SORBS2: variants seen among roughly 807,000 people sequenced by gnomAD.
The protein encoded by SORBS2 is sorbin and SH3 domain containing 2, also known as sorbin and SH3 domain-containing protein 2.
SORBS2 carries 46 observed loss-of-function variants against 97.7 expected under a neutral mutation model. The observed-to-expected ratio is 0.47, with a 90% confidence interval of 0.37 to 0.60. The LOEUF (loss-of-function observed/expected upper bound fraction) is 0.60. Among genes scored for constraint, SORBS2 ranks in the 20% least tolerant of loss-of-function variants. SORBS2 has a pLI of 0.00. For missense variants in SORBS2, 1,316 were observed against 1,282.3 expected, an observed-to-expected ratio of 1.03 and a Z score of -0.40; for synonymous variants, 476 against 473.4, an observed-to-expected ratio of 1.01 and a Z score of -0.07.
chr4:185,943,855 T>C (rs2099273269), intron 1 of SORBS2, among the ~76,000 whole-genome samples: 1 of 152,240 alleles, frequency 6.6e-6, no homozygotes, highest in Non-Finnish European at 1.5e-5. Context: ...TACGTCATGA[T>C]GCCTACAATT....
At chr4:185,792,170 T>C (rs1184446827) in intron 1 of SORBS2, among the ~76,000 whole-genome samples, 1 of 152,216 alleles carries the variant, frequency 6.6e-6, no homozygotes, top group Admixed American at 6.5e-5. Context: ...ATACATCTCC[T>C]TATTTTGAAA....
intron 2 of SORBS2, among the ~76,000 whole-genome samples, chr4:185,695,344 G>T (rs1027963153): frequency 5.3e-5 from 8 of 152,068 alleles, no homozygotes; most frequent in Admixed American, 3.9e-4. Context: ...CTGAATTTTA[G>T]CTCAGTTAAT....
intron 1 of SORBS2, among the ~76,000 whole-genome samples, chr4:185,879,609 T>C (rs538334331): frequency 6.6e-6 from 1 of 152,216 alleles, no homozygotes. Flanking sequence ...ACTTCCACAA[T>C]GGTTGAACCA....
At position 185,606,767 on chromosome 4, in the gene SORBS2, G is replaced by T; in HGVS notation, c.2796+5013C>A. 1.0e-6 allele frequency: 1 copy of T among 985,304 alleles called. No homozygotes were observed. Among genetic ancestry groups the T allele is most frequent in the Non-Finnish European group, 1.2e-6 (1 of 829,918 alleles). 61.0% of individuals were successfully genotyped at this position (985,304 alleles called of 1,614,324 possible). A position where few individuals can be genotyped will look rare whatever the true frequency, so the allele number is the denominator to read the frequency against. On this transcript the variant is annotated intron_variant, in intron 12 of 14. Coordinates refer to ENST00000418609, the Ensembl canonical transcript of SORBS2. This position sits in a 1 kb window ranked among gnomAD's most constrained non-coding sequence, Gnocchi z 4.3. ...CAGGCGTCTCCTTCCTGAGGTTCTG[G>T]CGGCCCTCTCTGGATGCCTGACACA...
At chr4:185,742,137 G>T (rs1269013496) in intron 2 of SORBS2, among the ~76,000 whole-genome samples, 1 of 152,218 alleles carries the variant, frequency 6.6e-6, no homozygotes, top group Non-Finnish European at 1.5e-5. Flanking sequence ...GCTCTCAGGG[G>T]CCAGCCCTGG....
At chr4:185,778,355 C>T (rs1488574916) in intron 1 of SORBS2, among the ~76,000 whole-genome samples, 4 of 152,156 alleles carry the variant, frequency 2.6e-5, no homozygotes, top group Non-Finnish European at 4.4e-5. Context: ...TGATTCTTGA[C>T]CTCACTTTGA....
At chr4:185,654,472 G>A (rs2097363802) in intron 1 of SORBS2, among the ~76,000 whole-genome samples, 1 of 152,168 alleles carries the variant, frequency 6.6e-6, no homozygotes, top group Non-Finnish European at 1.5e-5. Flanking sequence ...CATGTTGACA[G>A]ACAGGTTTTT....
chr4:185,953,547 C>T (rs2099278215), intron 1 of SORBS2, among the ~76,000 whole-genome samples: 1 of 152,266 alleles, frequency 6.6e-6, no homozygotes, highest in South Asian at 2.1e-4. Context: ...TTTGCATAGG[C>T]TTCAGAGCAT....
In SORBS2 at chr4:185,607,411, C is replaced by A; in HGVS notation, c.2796+4369G>T. 1 of 879,224 alleles carries A rather than the reference C, an allele frequency of 1.1e-6. No homozygotes were observed. The highest frequency in any genetic ancestry group is 1.6e-6 in the Non-Finnish European group (1 of 618,834). 54.5% of individuals were successfully genotyped at this position (879,224 alleles called of 1,614,324 possible). A position where few individuals can be genotyped will look rare whatever the true frequency, so the allele number is the denominator to read the frequency against. On this transcript the variant is annotated intron_variant, in intron 12 of 14. Coordinates refer to ENST00000418609, the Ensembl canonical transcript of SORBS2. The surrounding 1 kb of genome is among the most constrained non-coding windows in gnomAD (Gnocchi z 5.2). Reference sequence around the variant, plus strand: ...ATAAACTAAGAAAATAATAATAATGCATCAAAACATAGCGATGGAGAAATG... The same window carrying A: ...ATAAACTAAGAAAATAATAATAATGAATCAAAACATAGCGATGGAGAAATG...
chr4:185,716,690 A>T (rs1342828815), intron 2 of SORBS2, among the ~76,000 whole-genome samples: 1 of 152,076 alleles, frequency 6.6e-6, no homozygotes, highest in East Asian at 1.9e-4. Flanking sequence ...GGTGGAGTAA[A>T]ATCTGTGTTC....
At chr4:185,866,499 C>G (rs946518866) in intron 1 of SORBS2, among the ~76,000 whole-genome samples, 1 of 152,222 alleles carries the variant, frequency 6.6e-6, no homozygotes, top group Admixed American at 6.5e-5. Context: ...GAGCCCCATT[C>G]AAGAGCGTCA....
chr4:185,837,794 A>T (rs985387743), intron 1 of SORBS2, among the ~76,000 whole-genome samples: 1 of 151,978 alleles, frequency 6.6e-6, no homozygotes, highest in African/African-American at 2.4e-5. Flanking sequence ...AATGATTTAA[A>T]TTACTCTAAG....
intron 1 of SORBS2, among the ~76,000 whole-genome samples, chr4:185,856,664 T>A (rs1353442674): frequency 6.6e-6 from 1 of 152,206 alleles, no homozygotes; most frequent in African/African-American, 2.4e-5. Context: ...CAAATTCATA[T>A]GTTGATGGCA....
At chr4:185,736,324 G>A (rs188392972) in intron 2 of SORBS2, among the ~76,000 whole-genome samples, 1 of 152,310 alleles carries the variant, frequency 6.6e-6, no homozygotes, top group East Asian at 1.9e-4. Flanking sequence ...CTAAGGCAAT[G>A]GTGGGATTAA....
intron 1 of SORBS2, among the ~76,000 whole-genome samples, chr4:185,887,443 A>G (rs1186472492): frequency 6.6e-6 from 1 of 152,238 alleles, no homozygotes; most frequent in Non-Finnish European, 1.5e-5. Context: ...GCTTCAGGAA[A>G]AGGAAAAATC....
Position 185,623,626 on chromosome 4 carries a change from G to C in SORBS2, c.1503C>G (p.Asp501Glu). The change falls in exon 7 of 15, where the codon GAC (aspartate) becomes GAG (glutamate). Residue 501 changes from aspartate (D) to glutamate (E), a missense_variant. Physicochemically the swap from Asp to Glu is conservative, Grantham distance 45. Coordinates refer to ENST00000418609, the Ensembl canonical transcript of SORBS2. This position sits in a 1 kb window ranked among gnomAD's most constrained non-coding sequence, Gnocchi z 6.4. ...CGGACACAACCCCGTCCTGGTCGCT[G>C]TCGGAAAACTCCACGTGTGCTCGGG... is the stretch of plus-strand genomic sequence containing the variant. 1 of 1,614,146 alleles carries C rather than the reference G, an allele frequency of 6.2e-7. No individual in the cohort carries two copies. The highest frequency in any genetic ancestry group is 1.1e-5 in the South Asian group (1 of 91,072).
upstream of SORBS2, among the ~76,000 whole-genome samples, chr4:185,660,758 CCCCCTGTTGCTGG>C (rs1447031328): frequency 6.6e-6 from 1 of 152,088 alleles, no homozygotes; most frequent in African/African-American, 2.4e-5. Context: ...TAGTTTCTTT[CCCCCTGTTGCTGG>C]CCCCTGTGGC....
At chr4:185,891,603 C>T (rs1365347972) in intron 1 of SORBS2, among the ~76,000 whole-genome samples, 2 of 152,136 alleles carry the variant, frequency 1.3e-5, no homozygotes, top group South Asian at 2.1e-4. Context: ...TGGCTCCACT[C>T]GGACCCACCA....
At chr4:185,948,510 A>ATTTTTTTT (rs34637572) in intron 1 of SORBS2, among the ~76,000 whole-genome samples, 11 of 87,764 alleles carry the variant, frequency 1.3e-4, no homozygotes, top group East Asian at 7.9e-4. Flanking sequence ...ATGAATTTCA[A>ATTTTTTTT]TTTTTTTTTT....
Sources: allele counts gnomAD v4.1 joint callset (sites outside exome capture counted in the v4.1 genomes callset), GRCh38; gene constraint gnomAD v4.1.1; non-coding constraint Gnocchi (gnomAD v3.1); transcripts MANE v1.5; gene names NCBI Gene and HGNC (gene_info 2026-07-23, HGNC 2026-07-21).